ZBTB24: variants seen among roughly 807,000 people sequenced by gnomAD.
ZBTB24 encodes zinc finger and BTB domain containing 24.
Under a neutral mutation model 53.8 loss-of-function variants are expected in ZBTB24, and 32 were observed. The observed-to-expected ratio is 0.60, with a 90% CI of 0.45 to 0.80. The LOEUF is 0.80. ZBTB24 is among the 30% of genes least tolerant of loss of function. The probability of loss-of-function intolerance (pLI) is 0.00; values close to 1 mark genes in which losing one functional copy is unlikely to be tolerated. For synonymous variants in ZBTB24, 297 were observed against 306.7 expected (o/e 0.97, Z 0.33); for missense variants, 722 against 837.1 (o/e 0.86, Z 1.70).
chr6:109,467,842 A>G, intron 5 of ZBTB24, 108 bp from the exon 6 acceptor site: 1 of 1,301,528 alleles, frequency 7.7e-7, no homozygotes, highest in South Asian at 1.3e-5. Flanking sequence ...CACAATATAA[A>G]CAGAACAAAG....
chr6:109,463,357 A>T lies in ZBTB24; in HGVS notation c.*2494T>A, dbSNP rs2115350452. 2 of 152,322 alleles carry T rather than the reference A, an allele frequency of 1.3e-5. No homozygotes were observed. Among genetic ancestry groups the T allele is most frequent in the East Asian group, 3.9e-4 (2 of 5,184 alleles). The allele number at this position is 152,322 out of a possible 1,614,324, so 9.4% of individuals were successfully genotyped here. On this transcript the variant is annotated 3_prime_UTR_variant, in exon 7 of 7. Coordinates refer to ENST00000230122, the MANE Select transcript of ZBTB24 (RefSeq NM_014797.3). ...AGAAAGAGGCTAGATTAACAAAGCT[A>T]TCATTTCCTTGTTTCTCTTTGACAG...
At chr6:109,478,144 A>G (rs753448661) in intron 2 of ZBTB24, among the ~76,000 whole-genome samples, 1 of 152,196 alleles carries the variant, frequency 6.6e-6, no homozygotes. Context: ...GGGGATCTGA[A>G]GGAACTCCCC....
At chr6:109,473,479 C>T (rs950859266) in intron 5 of ZBTB24, among the ~76,000 whole-genome samples, 1 of 152,192 alleles carries the variant, frequency 6.6e-6, no homozygotes, top group Non-Finnish European at 1.5e-5. Flanking sequence ...CAAGATGCCA[C>T]CTCATCTGTG....
rs889876775 is a variant in ZBTB24, at chr6:109,465,112, T to G, written c.*739A>C. On this transcript the variant is annotated 3_prime_UTR_variant, in exon 7 of 7. Coordinates refer to ENST00000230122, the MANE Select transcript of ZBTB24 (RefSeq NM_014797.3). ...TTGTATTTTAAACTTAATTAAAATT[T>G]TGATAGCCTTCTGTTGAAAAATATG... 1 of 152,318 alleles carries G rather than the reference T, an allele frequency of 6.6e-6. No homozygotes were observed. Among genetic ancestry groups the G allele is most frequent in the South Asian group, 2.1e-4 (1 of 4,838 alleles). 9.4% of individuals were successfully genotyped at this position (152,318 alleles called of 1,614,324 possible).
At chr6:109,476,152 T>C (rs1392036894) in intron 4 of ZBTB24, 23 bp downstream of exon 4, 1 of 1,612,062 alleles carries the variant, frequency 6.2e-7, no homozygotes. Context: ...CCCCCCAATC[T>C]AAATGTTCTC....
intron 5 of ZBTB24, among the ~76,000 whole-genome samples, chr6:109,472,962 T>C (rs1776196647): frequency 6.6e-6 from 1 of 152,142 alleles, no homozygotes; most frequent in Admixed American, 6.5e-5. Context: ...AGCCTCCTGA[T>C]GGGTCTCTCT....
intron 5 of ZBTB24, 86 bp from the exon 6 acceptor site, chr6:109,467,820 A>G: frequency 6.8e-7 from 1 of 1,460,066 alleles, no homozygotes; most frequent in Admixed American, 2.1e-5. Context: ...AATTAAAAAA[A>G]CACTTCGGTT....
intron 2 of ZBTB24, among the ~76,000 whole-genome samples, chr6:109,478,975 A>G (rs1334849468): frequency 6.6e-6 from 1 of 152,186 alleles, no homozygotes. Context: ...AGGGGGAAAA[A>G]AATAAGAGTT....
At chr6:109,474,517 G>A (rs1485278169) in intron 5 of ZBTB24, among the ~76,000 whole-genome samples, 1 of 152,152 alleles carries the variant, frequency 6.6e-6, no homozygotes, top group Non-Finnish European at 1.5e-5. Flanking sequence ...CAGATCACAA[G>A]GTCAAGAGAT....
Position 109,480,894 on chromosome 6 carries a change from A to G in ZBTB24, c.952+181T>C, listed in dbSNP as rs968343596. Reference sequence around the variant, plus strand: ...GAGTAAATATGATTTTAATCATACAATGTATAATGAGGATATTACCCACCT... The same window carrying G: ...GAGTAAATATGATTTTAATCATACAGTGTATAATGAGGATATTACCCACCT... On this transcript the variant is annotated intron_variant, in intron 2 of 6. Transcript: ENST00000230122. 70 of 1,383,482 alleles carry G rather than the reference A, an allele frequency of 5.1e-5. No individual in the cohort carries two copies. The African/African-American group carries it at 9.0e-4, about 18-fold the overall frequency. The allele number at this position is 1,383,482 out of a possible 1,614,324, so 85.7% of individuals were successfully genotyped here. A position where few individuals can be genotyped will look rare whatever the true frequency, so the allele number is the denominator to read the frequency against.
chr6:109,477,318 A>C (rs1450289092), intron 2 of ZBTB24, among the ~76,000 whole-genome samples: 1 of 151,962 alleles, frequency 6.6e-6, no homozygotes, highest in Non-Finnish European at 1.5e-5. Flanking sequence ...TTTTAATTGT[A>C]ATTTTAATTT....
chr6:109,482,141 A>C, intron 1 of ZBTB24, 87 bp from the exon 2 acceptor site: 1 of 948,868 alleles, frequency 1.1e-6, no homozygotes, highest in Non-Finnish European at 1.7e-6. Flanking sequence ...TTCACTTCAC[A>C]TCATTAACTG....
chr6:109,476,642 C>A (rs1776283396), intron 3 of ZBTB24, 121 bp downstream of exon 3: 6 of 1,384,292 alleles, frequency 4.3e-6, no homozygotes, highest in African/African-American at 1.4e-5. Flanking sequence ...AAAATCCTGT[C>A]TTTCAATGAC....
At chr6:109,469,955 G>A (rs1157169878) in intron 5 of ZBTB24, among the ~76,000 whole-genome samples, 1 of 152,228 alleles carries the variant, frequency 6.6e-6, no homozygotes, top group African/African-American at 2.4e-5. Context: ...AATCCAGGCA[G>A]GGGACCTGTG....
chr6:109,478,643 G>C (rs1157777945), intron 2 of ZBTB24, among the ~76,000 whole-genome samples: 1 of 152,130 alleles, frequency 6.6e-6, no homozygotes, highest in East Asian at 1.9e-4. Flanking sequence ...GGAGGTTGTG[G>C]TGATCGGAGA....
intron 5 of ZBTB24, among the ~76,000 whole-genome samples, chr6:109,475,125 C>T (rs1776253196): frequency 6.6e-6 from 1 of 151,136 alleles, no homozygotes; most frequent in Admixed American, 6.6e-5. Context: ...CAGACTCAGA[C>T]TCACTATTCT....
At chr6:109,468,817 G>C (rs921323860) in intron 5 of ZBTB24, among the ~76,000 whole-genome samples, 2 of 151,554 alleles carry the variant, frequency 1.3e-5, no homozygotes, top group African/African-American at 2.4e-5. Context: ...ACTAACATCA[G>C]CAAGTGCTTA....
rs1776255818 is a variant in ZBTB24, at chr6:109,475,292, A to G, written c.1288+107T>C. 22 of 1,345,244 alleles carry G rather than the reference A, an allele frequency of 1.6e-5. No individual in the cohort carries two copies. The South Asian group carries it at 2.2e-4, about 13-fold the overall frequency. 83.3% of individuals were successfully genotyped at this position (1,345,244 alleles called of 1,614,324 possible). On this transcript the variant is annotated intron_variant, in intron 5 of 6. Transcript: ENST00000230122. ...CTTACACAACTCCCATCCAATTTAT[A>G]ATAAACATTTCCAAACACAGGCTTA...
Position 109,464,311 on chromosome 6 carries a change from TG to T in ZBTB24, c.*1539del. 1 of 152,314 alleles carries T rather than the reference TG, an allele frequency of 6.6e-6. No homozygotes were observed. The highest frequency in any genetic ancestry group is 1.9e-4 in the East Asian group (1 of 5,184). 9.4% of individuals were successfully genotyped at this position (152,314 alleles called of 1,614,324 possible). A position where few individuals can be genotyped will look rare whatever the true frequency, so the allele number is the denominator to read the frequency against. ...AAATGTTTTTATCTTCTCTCAAACC[TG>T]AAGAATTCTCTATTACTCTAACCTC... On this transcript the variant is annotated 3_prime_UTR_variant, in exon 7 of 7. Transcript: ENST00000230122.
Sources: allele counts gnomAD v4.1 joint callset (sites outside exome capture counted in the v4.1 genomes callset), GRCh38; gene constraint gnomAD v4.1.1; transcripts MANE v1.5; gene names NCBI Gene and HGNC (gene_info 2026-07-23, HGNC 2026-07-21).